The following APLP2 variants were observed in gnomAD, a reference collection of about 807,000 sequenced individuals.
APLP2 encodes amyloid beta precursor like protein 2, also known as CDEI box-binding protein.
In APLP2, 53 loss-of-function variants were observed where a neutral mutation model predicts 89.9. The observed-to-expected ratio is 0.59, with a 90% CI of 0.47 to 0.74. The LOEUF is 0.74. Ranked by LOEUF, APLP2 falls within the 30% of genes least tolerant of loss-of-function variation. The pLI is 0.00. For missense variants in APLP2, 973 were observed against 975.9 expected (o/e 1.00, Z 0.04); for synonymous variants, 372 against 348.6 (o/e 1.07, Z -0.75).
In APLP2 at chr11:130,121,620, C is replaced by A; in HGVS notation, c.523C>A (p.Leu175Met). 1 of 1,612,320 alleles carries A rather than the reference C, an allele frequency of 6.2e-7. No homozygotes were observed. Among genetic ancestry groups the A allele is most frequent in the Non-Finnish European group, 8.5e-7 (1 of 1,178,898 alleles). Residue 175 changes from leucine (L) to methionine (M), a missense_variant, in exon 5 of 17, where the codon CTG becomes ATG. Leu to Met is a conservative substitution (Grantham distance 15). Transcript: ENST00000338167. Reference sequence around the variant, plus strand: ...GCCTGTGGGTTTCTTTTAGGCATGTCTGACTCAGGGAATGACCTTATATAG... The same window carrying A: ...GCCTGTGGGTTTCTTTTAGGCATGTATGACTCAGGGAATGACCTTATATAG... Reference protein sequence around the residue: ...HWHTVVKEACLTQGMTLYSYG... With the variant: ...HWHTVVKEACMTQGMTLYSYG...
At chr11:130,109,711 T>C (rs1210495315) in intron 2 of APLP2, 109 bp downstream of exon 2, 30 of 1,197,852 alleles carry the variant, frequency 2.5e-5, no homozygotes, top group Non-Finnish European at 3.2e-5. Flanking sequence ...AAGACCAAGA[T>C]GCTAATGACT....
intron 1 of APLP2, among the ~76,000 whole-genome samples, chr11:130,072,554 G>T (rs560173729): frequency 6.8e-6 from 1 of 147,996 alleles, no homozygotes; most frequent in Admixed American, 6.9e-5. Flanking sequence ...TGGGCTCACT[G>T]CAACTTCCGC....
intron 1 of APLP2, among the ~76,000 whole-genome samples, chr11:130,090,629 GCA>G (rs1429750685): frequency 6.6e-6 from 1 of 151,884 alleles, no homozygotes; most frequent in Non-Finnish European, 1.5e-5. Flanking sequence ...TTTTCTTAGT[GCA>G]GAACAAAATG....
At chr11:130,071,101 T>C (rs1277530516) in intron 1 of APLP2, among the ~76,000 whole-genome samples, 1 of 152,088 alleles carries the variant, frequency 6.6e-6, no homozygotes, top group Non-Finnish European at 1.5e-5. Context: ...GTTTATTTCT[T>C]CTCCCTCTTC....
At chr11:130,090,980 GCCGGGCGGGGGGCCGACCCCCCCAC>G in intron 1 of APLP2, among the ~76,000 whole-genome samples, 1 of 148,580 alleles carries the variant, frequency 6.7e-6, no homozygotes, top group African/African-American at 2.5e-5. Context: ...GGGGCGGCTG[GCCGGGCGGGGGGCCGACCCCCCCAC>G]CTCCCTCCCG....
chr11:130,086,576 T>A (rs1056740165), intron 1 of APLP2, among the ~76,000 whole-genome samples: 3 of 152,240 alleles, frequency 2.0e-5, no homozygotes, highest in East Asian at 1.9e-4. Flanking sequence ...GTGTCATTTT[T>A]AAGAAATCGT....
chr11:130,123,025 A>T lies in APLP2; in HGVS notation c.922+512A>T, dbSNP rs1282414905. 3.9e-5 allele frequency among the ~76,000 whole-genome samples: 6 copies of T among 151,960 alleles called. No individual in the cohort carries two copies. Among genetic ancestry groups the T allele is most frequent in the African/African-American group, 1.2e-4 (5 of 41,354 alleles). ...TTTTTCTCATCTTGCCAATTAAAAC[A>T]CGAAAAGGTTGCAGTAGTTCCAGAG... On this transcript the variant is annotated intron_variant, in intron 6 of 16. Coordinates refer to ENST00000338167, the MANE Select transcript of APLP2 (RefSeq NM_001142276.2). This position sits in a 1 kb window ranked among gnomAD's most constrained non-coding sequence, Gnocchi z 4.0.
At chr11:130,119,731 T>A (rs932885611) in intron 3 of APLP2, among the ~76,000 whole-genome samples, 1 of 152,246 alleles carries the variant, frequency 6.6e-6, no homozygotes, top group Admixed American at 6.5e-5. Flanking sequence ...ATATGTATAT[T>A]TTTGTGTTGC....
chr11:130,121,070 T>C (rs1346616436), intron 4 of APLP2, among the ~76,000 whole-genome samples: 1 of 152,204 alleles, frequency 6.6e-6, no homozygotes, highest in East Asian at 1.9e-4. Flanking sequence ...GAGAATACTG[T>C]ATGCTGCTGG....
rs201817856 is a variant in APLP2, at chr11:130,137,344, AGT to A, written c.1837+1634_1837+1635del. The A allele has an allele frequency of 8.9e-4, 1,317 of 1,480,350 alleles. 13 individuals carry two copies. In the East Asian group the frequency reaches 0.027, roughly 30 times the overall value. The allele number at this position is 1,480,350 out of a possible 1,614,324, so 91.7% of individuals were successfully genotyped here. On this transcript the variant is annotated intron_variant, in intron 13 of 16. Coordinates refer to ENST00000338167, the MANE Select transcript of APLP2 (RefSeq NM_001142276.2). Reference sequence around the variant, plus strand: ...AGACCTTCATTCCTCTCCACTCCCTAGTGTGTCCGAAGCTTCATGTTCTGTTT... The same window carrying A: ...AGACCTTCATTCCTCTCCACTCCCTAGTGTCCGAAGCTTCATGTTCTGTTT...
At chr11:130,104,890 G>A (rs1292730219) in intron 1 of APLP2, among the ~76,000 whole-genome samples, 1 of 152,170 alleles carries the variant, frequency 6.6e-6, no homozygotes, top group Non-Finnish European at 1.5e-5. Context: ...CTTTCTCCCA[G>A]CTGTCCAACA....
At chr11:130,096,966 G>C (rs1946288930) in intron 1 of APLP2, among the ~76,000 whole-genome samples, 1 of 152,106 alleles carries the variant, frequency 6.6e-6, no homozygotes, top group African/African-American at 2.4e-5. Context: ...TTAAATTGTT[G>C]ATAATTACAA....
rs1329085151 is a variant in APLP2 at position 130,123,477 on chromosome 11, C to T, written c.923-135C>T. On this transcript the variant is annotated intron_variant, in intron 6 of 16. Transcript: ENST00000338167. The surrounding 1 kb of genome is among the most constrained non-coding windows in gnomAD (Gnocchi z 4.0). ...CAAGGCTGGCCTGAGCTGGAGCTTT[C>T]GGCCACCGGGCCTCCAGGCTCCGTC... 1.9e-5 allele frequency: 17 copies of T among 907,530 alleles called. No homozygotes were observed. Among genetic ancestry groups the T allele is most frequent in the African/African-American group, 3.4e-5 (2 of 59,552 alleles). The allele number at this position is 907,530 out of a possible 1,614,324, so 56.2% of individuals were successfully genotyped here.
In APLP2 at chr11:130,121,780, A is replaced by G; in HGVS notation, c.683A>G (p.Asp228Gly). The change falls in exon 5 of 17, where the codon GAT becomes GGT. Residue 228 changes from aspartate to glycine, a missense_variant. Asp to Gly is a moderately conservative substitution (Grantham distance 94, BLOSUM62 -1). Transcript: ENST00000338167. ...GATGAAGAGGAAGAGGAAGAGGAAGATGAAGAGGAAGACTATGATGTTTAT... is the reference window on the plus strand; with the variant it reads ...GATGAAGAGGAAGAGGAAGAGGAAGGTGAAGAGGAAGACTATGATGTTTAT... ...EEDEEEEEEE[D>G]EEEDYDVYKS... The G allele has an allele frequency of 1.2e-6, 2 of 1,613,448 alleles. No homozygotes were observed. Among genetic ancestry groups the G allele is most frequent in the Non-Finnish European group, 1.7e-6 (2 of 1,179,960 alleles).
chr11:130,092,409 C>T (rs1319948128), intron 1 of APLP2, among the ~76,000 whole-genome samples: 2 of 116,368 alleles, frequency 1.7e-5, no homozygotes, highest in African/African-American at 8.1e-5. Context: ...GAGATCACGC[C>T]ACTGCACTCC....
At chr11:130,076,551 TC>T in intron 1 of APLP2, among the ~76,000 whole-genome samples, 1 of 152,266 alleles carries the variant, frequency 6.6e-6, no homozygotes, top group Admixed American at 6.5e-5. Context: ...CACCAGATAC[TC>T]AATCAGTGGC....
intron 16 of APLP2, 45 bp from the exon 17 acceptor site, chr11:130,143,302 T>A (rs749981147): frequency 6.4e-7 from 1 of 1,564,858 alleles, no homozygotes; most frequent in Non-Finnish European, 8.8e-7. Flanking sequence ...CCTGTGCAGG[T>A]CTCTTCCCAG....
chr11:130,121,845 G>T, intron 5 of APLP2, 35 bp downstream of exon 5: 1 of 1,593,132 alleles, frequency 6.3e-7, no homozygotes, highest in Non-Finnish European at 8.5e-7. Flanking sequence ...AAGTCGTTTT[G>T]CCTTTTTGTT....
At chr11:130,103,068 C>T (rs1005837719) in intron 1 of APLP2, among the ~76,000 whole-genome samples, 1 of 152,046 alleles carries the variant, frequency 6.6e-6, no homozygotes, top group African/African-American at 2.4e-5. Flanking sequence ...CAGCAAAATC[C>T]CATTTGTAAC....
Sources: gnomAD v4.1 joint callset for allele counts (sites outside exome capture counted in the v4.1 genomes callset) on GRCh38, gnomAD v4.1.1 for gene constraint, Gnocchi (gnomAD v3.1) non-coding constraint, MANE v1.5 for transcripts, NCBI Gene and HGNC (gene_info 2026-07-23, HGNC 2026-07-21) for gene names.